Variants in POTEE observed in about 807,000 individuals in gnomAD.
POTEE encodes the protein POTE ankyrin domain family member E.
A neutral mutation model predicts 74.2 loss-of-function variants in POTEE; 21 were observed. The observed-to-expected ratio is 0.28, with a 90% confidence interval of 0.20 to 0.41. The LOEUF is 0.41. Ranked by LOEUF, POTEE falls within the 10% of genes least tolerant of loss-of-function variation. POTEE has a pLI of 1.00. For missense variants in POTEE, 525 were observed against 1,158.6 expected (o/e 0.45, Z 7.94); for synonymous variants, 211 against 432.8 (o/e 0.49, Z 6.36).
intron 4 of POTEE, among the ~76,000 whole-genome samples, chr2:131,221,168 AATAG>A (rs1234043420): frequency 6.6e-6 from 1 of 152,134 alleles, no homozygotes; most frequent in Non-Finnish European, 1.5e-5. Flanking sequence ...ATCTTTACCA[AATAG>A]ATGTCTGTTT....
intron 2 of POTEE, among the ~76,000 whole-genome samples, chr2:131,211,698 G>A (rs1171545023): frequency 1.3e-5 from 2 of 151,058 alleles, no homozygotes; most frequent in African/African-American, 2.4e-5. Flanking sequence ...GACTACAGGC[G>A]CCTGCCACCA....
intron 6 of POTEE, among the ~76,000 whole-genome samples, chr2:131,226,606 T>G (rs1444452036): frequency 6.7e-6 from 1 of 149,622 alleles, no homozygotes; most frequent in African/African-American, 2.5e-5. Flanking sequence ...AGTGAGTTTT[T>G]GAGATGATTA....
chr2:131,230,030 T>C (rs946459409), intron 8 of POTEE, among the ~76,000 whole-genome samples: 3 of 152,090 alleles, frequency 2.0e-5, no homozygotes, highest in African/African-American at 7.2e-5. Flanking sequence ...CTAACAGACA[T>C]CTACTGGCTG....
At chr2:131,210,309 C>A (rs1700329992) in intron 1 of POTEE, among the ~76,000 whole-genome samples, 1 of 102,926 alleles carries the variant, frequency 9.7e-6, no homozygotes, top group Non-Finnish European at 1.9e-5. Context: ...CTATCGGGTG[C>A]TACACTGCCT....
Position 131,264,988 on chromosome 2 carries a change from T to A in POTEE, c.*305T>A. 3 of 561,334 alleles carry A rather than the reference T, an allele frequency of 5.3e-6. No individual in the cohort carries two copies. In the South Asian group the frequency reaches 6.2e-5, roughly 12 times the overall value. 34.8% of individuals were successfully genotyped at this position (561,334 alleles called of 1,614,324 possible). A position where few individuals can be genotyped will look rare whatever the true frequency, so the allele number is the denominator to read the frequency against. On this transcript the variant is annotated 3_prime_UTR_variant, in exon 18 of 18. Coordinates refer to ENST00000683005, the MANE Select transcript of POTEE (RefSeq NM_001083538.3). ...AAGCCCCTTGCCCTGCTAAAAGCCA[T>A]CCCACTTCTCTCTAAGGAGAATGGC...
intron 4 of POTEE, among the ~76,000 whole-genome samples, chr2:131,219,430 A>G (rs1700547071): frequency 6.6e-6 from 1 of 151,762 alleles, no homozygotes; most frequent in African/African-American, 2.4e-5. Context: ...GAACAGGAAG[A>G]TTGAATTTTC....
At position 131,226,733 on chromosome 2, in the gene POTEE, T is replaced by C. The variant is rs1287906104; in HGVS notation, c.811-90T>C. 6.9e-6 allele frequency: 11 copies of C among 1,585,596 alleles called. No individual in the cohort carries two copies. In the Admixed American group the frequency reaches 1.9e-4, roughly 27 times the overall value. ...TTTATTTACTTTCTATGCGTGTAAGTCCATAAGATCTTACATAAAGTTTCC... is the reference window on the plus strand; with the variant it reads ...TTTATTTACTTTCTATGCGTGTAAGCCCATAAGATCTTACATAAAGTTTCC... On this transcript the variant is annotated intron_variant, in intron 6 of 17. Coordinates refer to ENST00000683005, the MANE Select transcript of POTEE (RefSeq NM_001083538.3).
At position 131,264,023 on chromosome 2, in the gene POTEE, T is replaced by G. The variant is rs371555985; in HGVS notation, c.2568T>G (p.Gly856=). The G allele has an allele frequency of 2.5e-6, 4 of 1,614,092 alleles. No homozygotes were observed. Among genetic ancestry groups the G allele is most frequent in the African/African-American group, 2.7e-5 (2 of 74,950 alleles). ...CTACTGGCATCGTGATGGACTCTGG[T>G]GACGGGGTCACCCACACTGTGCCCA... ...GRTTGIVMDS[G]DGVTHTVPIY... The change falls in exon 18 of 18, where the codon GGT becomes GGG. Residue 856 remains glycine, a synonymous_variant. Coordinates refer to ENST00000683005, the MANE Select transcript of POTEE (RefSeq NM_001083538.3).
At chr2:131,235,378 A>G (rs1701095827) in intron 9 of POTEE, among the ~76,000 whole-genome samples, 2 of 152,162 alleles carry the variant, frequency 1.3e-5, no homozygotes, top group African/African-American at 4.8e-5. Flanking sequence ...TGTAGAGTTC[A>G]GGTGGTAAAG....
intron 4 of POTEE, among the ~76,000 whole-genome samples, chr2:131,219,736 CAAAA>C (rs1218447808): frequency 7.3e-6 from 1 of 136,536 alleles, no homozygotes; most frequent in Non-Finnish European, 1.5e-5. Flanking sequence ...GACTCCCTTT[CAAAA>C]AAAAAAAAAA....
At chr2:131,221,725 G>T (rs1382357515) in intron 4 of POTEE, among the ~76,000 whole-genome samples, 1 of 152,070 alleles carries the variant, frequency 6.6e-6, no homozygotes, top group African/African-American at 2.4e-5. Context: ...CTTTTCATTA[G>T]ATATAGATTA....
intron 2 of POTEE, among the ~76,000 whole-genome samples, chr2:131,211,520 C>CTG (rs369206786): frequency 0.011 from 548 of 50,280 alleles, 39 homozygotes; most frequent in Middle Eastern, 0.043. Flanking sequence ...TAGGGGGTGA[C>CTG]TGTGTGTGTG....
In POTEE at chr2:131,263,980, T is replaced by A. The variant is rs200048663; in HGVS notation, c.2525T>A (p.Leu842Gln). The change falls in exon 18 of 18, where the codon CTG (leucine) becomes CAG (glutamine). Residue 842 changes from leucine to glutamine, a missense_variant. Coordinates refer to ENST00000683005, the MANE Select transcript of POTEE (RefSeq NM_001083538.3). Reference sequence around the variant, plus strand: ...GTGGCCATCCAGGCCGTGCCGTCCCTGTACACCTCTGGCCGTACTACTGGC... The same window carrying A: ...GTGGCCATCCAGGCCGTGCCGTCCCAGTACACCTCTGGCCGTACTACTGGC... Reference protein sequence around the residue: ...MYVAIQAVPSLYTSGRTTGIV... With the variant: ...MYVAIQAVPSQYTSGRTTGIV... The A allele has an allele frequency of 2.1e-5, 34 of 1,614,116 alleles. No homozygotes were observed. The African/African-American group carries it at 4.1e-4, about 20-fold the overall frequency.
At position 131,224,016 on chromosome 2, in the gene POTEE, T is replaced by A. The variant is rs370558317; in HGVS notation, c.783T>A (p.Tyr261Ter). 2 of 1,471,906 alleles carry A rather than the reference T, an allele frequency of 1.4e-6. No individual in the cohort carries two copies. The highest frequency in any genetic ancestry group is 1.8e-6 in the Non-Finnish European group (2 of 1,097,740). 91.2% of individuals were successfully genotyped at this position (1,471,906 alleles called of 1,614,324 possible). ...TAATGGCCAAAGCACTGCTCTTATA[T>A]GGTGCTGATATCGAATCAAAAAACA... ...DKLMAKALLL[Y>*]GADIESKNKH... is the part of the protein sequence containing the mutation. The change falls in exon 6 of 18, where the codon TAT (tyrosine) becomes TAA (stop). Residue 261 changes from tyrosine (Y) to a stop codon, truncating the protein, a stop_gained. Transcript: ENST00000683005. LOFTEE classifies it high-confidence loss of function.
rs1295158769 is a variant in POTEE at position 131,236,293 on chromosome 2, A to G, written c.1127-439A>G. On this transcript the variant is annotated intron_variant, in intron 9 of 17. Transcript: ENST00000683005. Reference sequence around the variant, plus strand: ...TCTGGAGCCCATACCTGTGGGCTCTAGCTTCTCAGGCAGGGTCACCACGAC... The same window carrying G: ...TCTGGAGCCCATACCTGTGGGCTCTGGCTTCTCAGGCAGGGTCACCACGAC... Among the ~76,000 whole-genome samples, 1,199 of 151,740 alleles carry G rather than the reference A, an allele frequency of 7.9e-3. 20 individuals carry two copies. Among genetic ancestry groups the G allele is most frequent in the African/African-American group, 0.028 (1,136 of 41,108 alleles).
rs1478690881 is a variant in POTEE, at chr2:131,220,963, AAAAAAAAAAAG to A, written c.521+2051_521+2061del. Among the ~76,000 whole-genome samples, 5 of 151,328 alleles carry A rather than the reference AAAAAAAAAAAG, an allele frequency of 3.3e-5. No individual in the cohort carries two copies. The South Asian group carries it at 8.4e-4, about 25-fold the overall frequency. On this transcript the variant is annotated intron_variant, in intron 4 of 17. Coordinates refer to ENST00000683005, the MANE Select transcript of POTEE (RefSeq NM_001083538.3). Reference sequence around the variant, plus strand: ...GTGATAGAGTGAGACTCCATCTCAAAAAAAAAAAAAGAAAAAAAAAAAGGAATGAAATACTG... The same window carrying A: ...GTGATAGAGTGAGACTCCATCTCAAAAAAAAAAAAAAGGAATGAAATACTG...
chr2:131,222,389 C>G (rs976588067), intron 4 of POTEE, among the ~76,000 whole-genome samples: 4 of 151,672 alleles, frequency 2.6e-5, no homozygotes, highest in African/African-American at 9.8e-5. Flanking sequence ...AGGGAAGCAG[C>G]ACACACTGGG....
chr2:131,213,032 C>T (rs531973096), intron 2 of POTEE, among the ~76,000 whole-genome samples: 1 of 151,022 alleles, frequency 6.6e-6, no homozygotes, highest in Admixed American at 6.6e-5. Flanking sequence ...CCGATCTTGG[C>T]TCACTGCAAC....
At chr2:131,225,396 C>T (rs568186189) in intron 6 of POTEE, among the ~76,000 whole-genome samples, 16 of 151,702 alleles carry the variant, frequency 1.1e-4, no homozygotes, top group South Asian at 1.1e-3. Context: ...ACAACAACAA[C>T]GACAACAACA....
Sources: gnomAD v4.1 joint callset for allele counts (sites outside exome capture counted in the v4.1 genomes callset) on GRCh38, gnomAD v4.1.1 for gene constraint, MANE v1.5 for transcripts, NCBI Gene and HGNC (gene_info 2026-07-23, HGNC 2026-07-21) for gene names.